Variants in TIAM1 observed in about 807,000 individuals in gnomAD.
TIAM1 encodes TIAM Rac1 associated GEF 1.
TIAM1 carries 65 observed loss-of-function variants against 163.5 expected under a neutral mutation model. The observed-to-expected ratio is 0.40, with a 90% confidence interval of 0.33 to 0.49. TIAM1 has a LOEUF of 0.49. Among genes scored for constraint, TIAM1 ranks in the 20% least tolerant of loss-of-function variants. The probability of loss-of-function intolerance (pLI) is 0.77; values close to 1 mark genes in which losing one functional copy is unlikely to be tolerated. For synonymous variants in TIAM1, 833 were observed against 810.1 expected (o/e 1.03, Z -0.48); for missense variants, 1,789 against 2,044.7 (o/e 0.87, Z 2.41).
intron 9 of TIAM1, among the ~76,000 whole-genome samples, chr21:31,213,866 C>CCAAAAAAA (rs71318260): frequency 1.8e-4 from 10 of 54,874 alleles, no homozygotes; most frequent in African/African-American, 6.2e-4. Context: ...CTCATCTCTA[C>CCAAAAAAA]AAAAAAAAAA....
chr21:31,207,294 A>T (rs1189559528), intron 11 of TIAM1, among the ~76,000 whole-genome samples: 1 of 152,206 alleles, frequency 6.6e-6, no homozygotes, highest in Non-Finnish European at 1.5e-5. Flanking sequence ...CCAGAACTTG[A>T]CTGGTGCTCA....
intron 2 of TIAM1, among the ~76,000 whole-genome samples, chr21:31,425,706 T>C (rs1248010463): frequency 1.4e-5 from 2 of 144,188 alleles, no homozygotes; most frequent in East Asian, 2.3e-4. Context: ...TCTCTCTCTC[T>C]TCCTTTTTGA....
intron 2 of TIAM1, among the ~76,000 whole-genome samples, chr21:31,428,713 C>T (rs1459474205): frequency 6.6e-6 from 1 of 151,762 alleles, no homozygotes; most frequent in African/African-American, 2.4e-5. Flanking sequence ...CAAAACCCCA[C>T]CTCTACAAAA....
At chr21:31,496,269 T>C (rs11702286) in intron 1 of TIAM1, among the ~76,000 whole-genome samples, 92,813 of 151,910 alleles carry the variant, frequency 0.61, 28,804 homozygotes, top group East Asian at 0.85. Flanking sequence ...GCAGGTGGAT[T>C]ACTTGAGATC....
rs373386331 is a variant in TIAM1 at position 31,213,673 on chromosome 21, C to T, written c.2143-201G>A. ...ACATCCCTCTATCTAGATCACTTCC[C>T]TACGTGTTTGACAGTTGGAAAAAAA... On this transcript the variant is annotated intron_variant, in intron 9 of 27. Coordinates refer to ENST00000541036, the MANE Select transcript of TIAM1 (RefSeq NM_001353694.2). Among the ~76,000 whole-genome samples, 91 of 150,646 alleles carry T rather than the reference C, an allele frequency of 6.0e-4. 2 individuals are homozygous for T. In the South Asian group the frequency reaches 9.3e-3, roughly 15 times the overall value.
At chr21:31,330,937 A>G (rs2147064643) in intron 2 of TIAM1, among the ~76,000 whole-genome samples, 1 of 152,318 alleles carries the variant, frequency 6.6e-6, no homozygotes, top group South Asian at 2.1e-4. Context: ...AGATGGATTT[A>G]TAAACTCGGA....
intron 12 of TIAM1, among the ~76,000 whole-genome samples, chr21:31,197,714 C>T (rs2085950271): frequency 6.6e-6 from 1 of 152,182 alleles, no homozygotes; most frequent in South Asian, 2.1e-4. Flanking sequence ...AAGACAATAA[C>T]TTACAGAGTT....
intron 6 of TIAM1, among the ~76,000 whole-genome samples, chr21:31,243,992 G>C (rs1490443544): frequency 6.6e-6 from 1 of 152,196 alleles, no homozygotes; most frequent in Non-Finnish European, 1.5e-5. Flanking sequence ...TGTGAGTGGG[G>C]TGGGGTTGGG....
chr21:31,190,909 G>T (rs78959368), intron 13 of TIAM1, among the ~76,000 whole-genome samples: 1 of 152,130 alleles, frequency 6.6e-6, no homozygotes, highest in Admixed American at 6.5e-5. Context: ...TGTTTGTGCC[G>T]GCAGCTTTTA....
chr21:31,210,538 G>GAAAGAA, intron 10 of TIAM1, among the ~76,000 whole-genome samples: 1 of 52,246 alleles, frequency 1.9e-5, no homozygotes, highest in East Asian at 5.4e-4. Flanking sequence ...GGAAGGAAAA[G>GAAAGAA]AAAGAAAGAA....
At chr21:31,558,013 G>A (rs2048946156) in intron 1 of TIAM1, among the ~76,000 whole-genome samples, 1 of 152,142 alleles carries the variant, frequency 6.6e-6, no homozygotes, top group Non-Finnish European at 1.5e-5. Flanking sequence ...GCGGCCGGGG[G>A]GAGGGGGCGT....
intron 11 of TIAM1, among the ~76,000 whole-genome samples, chr21:31,208,103 A>G (rs866782208): frequency 7.2e-5 from 11 of 152,148 alleles, no homozygotes; most frequent in African/African-American, 2.7e-4. Flanking sequence ...CATTATCTAG[A>G]TATGGTCTCT....
At chr21:31,536,236 CTG>C (rs1469943109) in intron 1 of TIAM1, among the ~76,000 whole-genome samples, 12 of 152,214 alleles carry the variant, frequency 7.9e-5, no homozygotes, top group Admixed American at 2.0e-4. Context: ...GACGAGGAAA[CTG>C]AGGCATAAGG....
chr21:31,193,742 T>G (rs2085684192), intron 13 of TIAM1, among the ~76,000 whole-genome samples: 2 of 152,076 alleles, frequency 1.3e-5, no homozygotes, highest in Admixed American at 1.3e-4. Flanking sequence ...GCCTGTAAAA[T>G]CAAGCTGCAC....
chr21:31,189,566 C>T (rs55808813), intron 13 of TIAM1, among the ~76,000 whole-genome samples: 4 of 152,106 alleles, frequency 2.6e-5, no homozygotes, highest in Non-Finnish European at 5.9e-5. Context: ...TAAGTTCCTT[C>T]TTTGAAGATC....
chr21:31,482,276 C>T (rs558234892), intron 1 of TIAM1, among the ~76,000 whole-genome samples: 7 of 152,070 alleles, frequency 4.6e-5, no homozygotes, highest in African/African-American at 7.2e-5. Context: ...CTCAGCCTCC[C>T]GAGTAGCTGG....
At position 31,183,580 on chromosome 21, in the gene TIAM1, G is replaced by A. The variant is rs113180913; in HGVS notation, c.2663-935C>T. ...GGAACGAGAAGCCTCCCAGGCCCTC[G>A]GGCATCCCACTCAGATTCTGCAGAA... On this transcript the variant is annotated intron_variant, in intron 14 of 27. Coordinates refer to ENST00000541036, the MANE Select transcript of TIAM1 (RefSeq NM_001353694.2). Among the ~76,000 whole-genome samples the A allele has an allele frequency of 1.3e-3, 192 of 152,224 alleles. 1 individual carries two copies. Among genetic ancestry groups the A allele is most frequent in the East Asian group, 9.2e-3 (48 of 5,190 alleles).
At chr21:31,390,589 T>C (rs116345545) in intron 2 of TIAM1, among the ~76,000 whole-genome samples, 89 of 152,276 alleles carry the variant, frequency 5.8e-4, no homozygotes, top group African/African-American at 2.0e-3. Context: ...AGGTGAAACA[T>C]TGTATCAGCT....
At chr21:31,325,107 C>T (rs1005671283) in intron 2 of TIAM1, among the ~76,000 whole-genome samples, 2 of 147,822 alleles carry the variant, frequency 1.4e-5, no homozygotes, top group African/African-American at 2.5e-5. Flanking sequence ...TGGCAAGACC[C>T]CATCTCTACA....
Sources: gnomAD v4.1 joint callset for allele counts (sites outside exome capture counted in the v4.1 genomes callset) on GRCh38, gnomAD v4.1.1 for gene constraint, MANE v1.5 for transcripts, NCBI Gene and HGNC (gene_info 2026-07-23, HGNC 2026-07-21) for gene names.